Variants in ANO3 observed in about 807,000 individuals in gnomAD.
ANO3 encodes anoctamin-3.
ANO3 carries 99 observed loss-of-function variants against 144.8 expected under a neutral mutation model. The observed-to-expected ratio is 0.68, with a 90% CI of 0.58 to 0.81. ANO3 has a LOEUF of 0.81. ANO3 is among the 30% of genes least tolerant of loss of function. The pLI is 0.00. For missense variants in ANO3, 905 were observed against 1,202.2 expected (o/e 0.75, Z 3.66); for synonymous variants, 414 against 392.6 (o/e 1.05, Z -0.64).
In ANO3 at chr11:26,468,843, G is replaced by A. The variant is rs77253167; in HGVS notation, c.432+5695G>A. The stretch of plus-strand genomic sequence containing the variant: ...AAGAGAATAAATTTTACTTCTTTTT[G>A]GGATAGTCAGTTTCTAAAGAAAATA... On this transcript the variant is annotated intron_variant, in intron 4 of 26. Coordinates refer to ENST00000256737, the MANE Select transcript of ANO3 (RefSeq NM_031418.4). Among the ~76,000 whole-genome samples, 114 of 151,936 alleles carry A rather than the reference G, an allele frequency of 7.5e-4. No homozygotes were observed. The South Asian group carries it at 8.3e-3, about 11-fold the overall frequency.
At chr11:26,302,480 T>A (rs1369578032) in intron 1 of ANO3, among the ~76,000 whole-genome samples, 2 of 152,006 alleles carry the variant, frequency 1.3e-5, no homozygotes, top group Non-Finnish European at 2.9e-5. Context: ...GGCAACAGAG[T>A]GAGACTCTGT....
chr11:26,404,375 C>T (rs547791968), intron 1 of ANO3, among the ~76,000 whole-genome samples: 1 of 151,930 alleles, frequency 6.6e-6, no homozygotes, highest in East Asian at 1.9e-4. Flanking sequence ...ATGTTCTATT[C>T]ACAAAGTCTA....
At chr11:26,597,421 CG>C (rs1295499082) in intron 14 of ANO3, among the ~76,000 whole-genome samples, 4 of 152,190 alleles carry the variant, frequency 2.6e-5, no homozygotes, top group Admixed American at 2.6e-4. Flanking sequence ...GCAGGAACAA[CG>C]GCAAGCCTCT....
chr11:26,303,618 G>T (rs1192582547), intron 1 of ANO3, among the ~76,000 whole-genome samples: 2 of 152,040 alleles, frequency 1.3e-5, no homozygotes, highest in South Asian at 2.1e-4. Flanking sequence ...CTAGCTGATG[G>T]GATCATCCAT....
At position 26,219,816 on chromosome 11, in the gene ANO3, G is replaced by A. The variant is rs1336535411; in HGVS notation, c.154+30486G>A. On this transcript the variant is annotated intron_variant, in intron 1 of 27. Transcript: ENST00000672621. The stretch of plus-strand genomic sequence containing the variant: ...ATACATAACAAGCTGGTCCATCAAG[G>A]CTAAGGAAAGCTGCCTAGGGTGGAT... Among the ~76,000 whole-genome samples the A allele has an allele frequency of 3.3e-5, 5 of 152,056 alleles. No individual in the cohort carries two copies. In the East Asian group the frequency reaches 9.7e-4, roughly 29 times the overall value.
intron 1 of ANO3, among the ~76,000 whole-genome samples, chr11:26,438,166 A>G (rs868385357): frequency 6.6e-6 from 1 of 152,208 alleles, no homozygotes. Flanking sequence ...TAATTTCAAT[A>G]CAGTGGGAAA....
chr11:26,411,782 G>T (rs1191025478), intron 1 of ANO3, among the ~76,000 whole-genome samples: 1 of 150,996 alleles, frequency 6.6e-6, no homozygotes, highest in African/African-American at 2.4e-5. Context: ...TATGTATTCT[G>T]TACTTAAAGG....
At chr11:26,204,513 G>T (rs1444528929) in intron 1 of ANO3, among the ~76,000 whole-genome samples, 2 of 152,104 alleles carry the variant, frequency 1.3e-5, no homozygotes, top group African/African-American at 2.4e-5. Context: ...TTTTCCCTGA[G>T]AATAATTTTT....
intron 3 of ANO3, among the ~76,000 whole-genome samples, chr11:26,455,552 A>T (rs188382836): frequency 6.6e-6 from 1 of 152,168 alleles, no homozygotes; most frequent in Admixed American, 6.5e-5. Context: ...ACTACAAACC[A>T]CTGCTCAATG....
Position 26,656,357 on chromosome 11 carries a change from T to G in ANO3, c.2658-19T>G. The G allele has an allele frequency of 1.3e-6, 2 of 1,552,676 alleles. No homozygotes were observed. Among genetic ancestry groups the G allele is most frequent in the Non-Finnish European group, 1.8e-6 (2 of 1,126,548 alleles). On this transcript the variant is annotated intron_variant, in intron 25 of 26. Coordinates refer to ENST00000256737, the MANE Select transcript of ANO3 (RefSeq NM_031418.4). ...CTTTGATCTCTATTTGTCATTCTCT[T>G]TGTTTTTGTGGATTTCAGGTACAGA...
intron 4 of ANO3, among the ~76,000 whole-genome samples, chr11:26,502,880 C>A (rs1861257533): frequency 6.7e-6 from 1 of 150,288 alleles, no homozygotes; most frequent in African/African-American, 2.4e-5. Flanking sequence ...GTCACCTTCA[C>A]CAAGACAAGC....
chr11:26,499,167 C>T (rs1018497831), intron 4 of ANO3, among the ~76,000 whole-genome samples: 3 of 151,782 alleles, frequency 2.0e-5, no homozygotes, highest in Admixed American at 6.6e-5. Context: ...TTACGAATTT[C>T]GCAGTTATTT....
At chr11:26,527,936 A>G (rs1236639343) in intron 7 of ANO3, among the ~76,000 whole-genome samples, 1 of 152,194 alleles carries the variant, frequency 6.6e-6, no homozygotes, top group Non-Finnish European at 1.5e-5. Context: ...GTTTTGGCAG[A>G]GTTTGTGCTT....
intron 6 of ANO3, among the ~76,000 whole-genome samples, chr11:26,519,103 A>G (rs1481089765): frequency 6.6e-6 from 1 of 152,180 alleles, no homozygotes; most frequent in African/African-American, 2.4e-5. Context: ...CTATGAATTC[A>G]TCATTGTTTC....
At chr11:26,196,513 C>A (rs1851592805) in intron 1 of ANO3, among the ~76,000 whole-genome samples, 1 of 152,076 alleles carries the variant, frequency 6.6e-6, no homozygotes, top group Admixed American at 6.5e-5. Flanking sequence ...GTAGTTAATT[C>A]TCCAGTAGAG....
At chr11:26,257,738 G>A (rs1853092661) in intron 1 of ANO3, among the ~76,000 whole-genome samples, 1 of 151,612 alleles carries the variant, frequency 6.6e-6, no homozygotes, top group Non-Finnish European at 1.5e-5. Context: ...TATATAGAAA[G>A]ACATAAATAC....
chr11:26,260,648 C>T (rs751312101), intron 1 of ANO3, among the ~76,000 whole-genome samples: 3 of 152,052 alleles, frequency 2.0e-5, no homozygotes, highest in Non-Finnish European at 4.4e-5. Flanking sequence ...GATTCCAGAC[C>T]CTCTTCCTTT....
At chr11:26,306,282 C>T (rs1009522648), upstream of ANO3, among the ~76,000 whole-genome samples, 2 of 152,034 alleles carry the variant, frequency 1.3e-5, no homozygotes, top group Admixed American at 6.6e-5. Flanking sequence ...CCTATTCTTC[C>T]TATTCTTGTC....
At chr11:26,547,817 C>A (rs1254506862) in intron 12 of ANO3, among the ~76,000 whole-genome samples, 2 of 151,764 alleles carry the variant, frequency 1.3e-5, no homozygotes, top group African/African-American at 2.4e-5. Flanking sequence ...CCATATAATT[C>A]AAAAATTTGA....
Sources: gnomAD v4.1 joint callset for allele counts (sites outside exome capture counted in the v4.1 genomes callset) on GRCh38, gnomAD v4.1.1 for gene constraint, MANE v1.5 for transcripts, NCBI Gene and HGNC (gene_info 2026-07-23, HGNC 2026-07-21) for gene names.